The following LPAR1 variants were observed in gnomAD, a reference collection of about 807,000 sequenced individuals.
The protein encoded by LPAR1 is lysophosphatidic acid receptor 1, also known as LPA receptor 1.
A neutral mutation model predicts 23.8 loss-of-function variants in LPAR1; 5 were observed. The observed-to-expected ratio is 0.21, with a 90% CI of 0.11 to 0.44. The LOEUF (loss-of-function observed/expected upper bound fraction) is 0.44. LPAR1 is among the 20% of genes least tolerant of loss of function. The probability of loss-of-function intolerance (pLI) is 0.99; values close to 1 mark genes in which losing one functional copy is unlikely to be tolerated. For synonymous variants in LPAR1, 160 were observed against 164.7 expected (o/e 0.97, Z 0.22); for missense variants, 311 against 482.8 (o/e 0.64, Z 3.33).
intron 4 of LPAR1, among the ~76,000 whole-genome samples, chr9:110,950,197 T>C (rs2136577396): frequency 6.6e-6 from 1 of 152,156 alleles, no homozygotes; most frequent in South Asian, 2.1e-4. Flanking sequence ...TGGTGGTTGA[T>C]GCCTGTAATC....
At chr9:110,998,858 A>C (rs962268743) in intron 2 of LPAR1, among the ~76,000 whole-genome samples, 13 of 152,220 alleles carry the variant, frequency 8.5e-5, no homozygotes, top group Non-Finnish European at 5.9e-5. Context: ...TATCTAATGC[A>C]TAGATAGATT....
chr9:110,882,681 C>G (rs974038750), intron 5 of LPAR1, among the ~76,000 whole-genome samples: 1 of 152,120 alleles, frequency 6.6e-6, no homozygotes, highest in Non-Finnish European at 1.5e-5. Flanking sequence ...TGAATGAGAA[C>G]AAGCAGCAGC....
At chr9:110,982,855 T>TACACACACAC (rs1266977213) in intron 2 of LPAR1, among the ~76,000 whole-genome samples, 2 of 92,658 alleles carry the variant, frequency 2.2e-5, no homozygotes, top group Non-Finnish European at 4.6e-5. Context: ...AAAATGTATA[T>TACACACACAC]ACACATACAC....
intron 5 of LPAR1, among the ~76,000 whole-genome samples, chr9:110,910,683 T>C (rs1404601246): frequency 6.6e-6 from 1 of 152,208 alleles, no homozygotes; most frequent in Non-Finnish European, 1.5e-5. Flanking sequence ...AGAACATCCA[T>C]GATTCATAGT....
intron 5 of LPAR1, among the ~76,000 whole-genome samples, chr9:110,907,140 G>A (rs1280280896): frequency 6.6e-6 from 1 of 152,148 alleles, no homozygotes; most frequent in East Asian, 1.9e-4. Context: ...CTACCTCTGA[G>A]AAAGGACTAA....
At chr9:110,959,110 TG>T in intron 4 of LPAR1, among the ~76,000 whole-genome samples, 1 of 128,210 alleles carries the variant, frequency 7.8e-6, no homozygotes, top group South Asian at 2.4e-4. Flanking sequence ...TATACAGTGT[TG>T]GTGGGAATGT....
At chr9:110,931,443 T>C (rs1480124361) in intron 5 of LPAR1, among the ~76,000 whole-genome samples, 1 of 152,214 alleles carries the variant, frequency 6.6e-6, no homozygotes, top group Non-Finnish European at 1.5e-5. Flanking sequence ...TCAATGCATG[T>C]TTGCTGACAA....
intron 5 of LPAR1, among the ~76,000 whole-genome samples, chr9:110,884,253 T>C (rs1015269470): frequency 1.3e-5 from 2 of 152,192 alleles, no homozygotes; most frequent in African/African-American, 4.8e-5. Flanking sequence ...TCTCTCTTCC[T>C]GGGATGTTAC....
In LPAR1 at chr9:110,903,639, C is replaced by A. The variant is rs548967822; in HGVS notation, c.794-27917G>T. 6.6e-5 allele frequency among the ~76,000 whole-genome samples: 10 copies of A among 152,024 alleles called. No homozygotes were observed. The South Asian group carries it at 2.1e-3, about 32-fold the overall frequency. On this transcript the variant is annotated intron_variant, in intron 5 of 5. Transcript: ENST00000683809. Reference sequence around the variant, plus strand: ...AGACTAAAAACCGACAAAAAACAGACCCTCAAGGACTTGTAGCACAATAAC... The same window carrying A: ...AGACTAAAAACCGACAAAAAACAGAACCTCAAGGACTTGTAGCACAATAAC...
intron 5 of LPAR1, among the ~76,000 whole-genome samples, chr9:110,916,401 A>T (rs531861919): frequency 4.6e-5 from 7 of 152,348 alleles, no homozygotes; most frequent in African/African-American, 1.4e-4. Flanking sequence ...ACTGGATGGA[A>T]GTATGTCAAA....
At position 110,989,006 on chromosome 9, in the gene LPAR1, T is replaced by C. The variant is rs146807782; in HGVS notation, c.-181-15448A>G. The stretch of plus-strand genomic sequence containing the variant: ...TACAACATGCAGTATTGTGCATTTT[T>C]TTCTAAGTGAAAAGCCAATCAAAAA... On this transcript the variant is annotated intron_variant, in intron 2 of 5. Coordinates refer to ENST00000683809, the MANE Select transcript of LPAR1 (RefSeq NM_001351411.2). Among the ~76,000 whole-genome samples the C allele has an allele frequency of 2.0e-3, 301 of 152,324 alleles. 5 individuals carry two copies. The Middle Eastern group carries it at 0.031, about 15-fold the overall frequency.
At chr9:110,916,693 T>C (rs1475811426) in intron 5 of LPAR1, among the ~76,000 whole-genome samples, 2 of 152,094 alleles carry the variant, frequency 1.3e-5, no homozygotes, top group Non-Finnish European at 2.9e-5. Context: ...ATGAGGCAGA[T>C]GTCTTTTTAA....
chr9:110,960,394 A>G (rs1020245178), intron 4 of LPAR1, among the ~76,000 whole-genome samples: 2 of 152,316 alleles, frequency 1.3e-5, no homozygotes, highest in Non-Finnish European at 2.9e-5. Context: ...TCACATATGT[A>G]TACATTCACA....
rs2078672376 is a variant in LPAR1 at position 110,874,345 on chromosome 9, T to TACC, written c.*1075_*1076insGGT. 1 of 152,636 alleles carries TACC rather than the reference T, an allele frequency of 6.6e-6. No individual in the cohort carries two copies. The highest frequency in any genetic ancestry group is 6.5e-5 in the Admixed American group (1 of 15,284). 9.5% of individuals were successfully genotyped at this position (152,636 alleles called of 1,614,324 possible). On this transcript the variant is annotated 3_prime_UTR_variant, in exon 6 of 6. Coordinates refer to ENST00000683809, the MANE Select transcript of LPAR1 (RefSeq NM_001351411.2). ...TAATGCCATAAGAAAATGTGGCAAT[T>TACC]TTGCAATGAAAAAGATCTACTTATA...
At chr9:110,927,161 G>A (rs571148918) in intron 5 of LPAR1, among the ~76,000 whole-genome samples, 28 of 152,200 alleles carry the variant, frequency 1.8e-4, no homozygotes, top group Non-Finnish European at 3.5e-4. Flanking sequence ...CGAGTAAGTG[G>A]CAAATCTGGA....
rs139024418 is a variant in LPAR1 at position 110,908,817 on chromosome 9, T to C, written c.793+32604A>G. Among the ~76,000 whole-genome samples, 17 of 152,308 alleles carry C rather than the reference T, an allele frequency of 1.1e-4. No individual in the cohort carries two copies. In the East Asian group the frequency reaches 2.9e-3, roughly 26 times the overall value. On this transcript the variant is annotated intron_variant, in intron 5 of 5. Coordinates refer to ENST00000683809, the MANE Select transcript of LPAR1 (RefSeq NM_001351411.2). The stretch of plus-strand genomic sequence containing the variant: ...AGAGAAAAATGTTCAAGGAGTCTTA[T>C]AGTTTCCATTTCAGAAGGGACACGA...
At chr9:111,012,463 A>G (rs1159209814) in intron 2 of LPAR1, among the ~76,000 whole-genome samples, 2 of 130,452 alleles carry the variant, frequency 1.5e-5, no homozygotes, top group Non-Finnish European at 3.4e-5. Context: ...GCATGTACGC[A>G]CGCGCGCACA....
intron 2 of LPAR1, among the ~76,000 whole-genome samples, chr9:110,998,762 A>G (rs2097070843): frequency 6.6e-6 from 1 of 152,210 alleles, no homozygotes; most frequent in Non-Finnish European, 1.5e-5. Flanking sequence ...CTTAAAGAAA[A>G]GAACTGGACA....
chr9:111,004,105 T>C (rs899354676), intron 2 of LPAR1, among the ~76,000 whole-genome samples: 1 of 152,214 alleles, frequency 6.6e-6, no homozygotes, highest in African/African-American at 2.4e-5. Context: ...TTCTTTGTGC[T>C]CATAAACATT....
Sources: gnomAD v4.1 joint callset for allele counts (sites outside exome capture counted in the v4.1 genomes callset) on GRCh38, gnomAD v4.1.1 for gene constraint, MANE v1.5 for transcripts, NCBI Gene and HGNC (gene_info 2026-07-23, HGNC 2026-07-21) for gene names.